Variants in ACER3 observed in about 807,000 individuals in gnomAD.
ACER3 encodes the protein alkCDase 3.
Under a neutral mutation model 48.9 loss-of-function variants are expected in ACER3, and 16 were observed. The ratio of observed to expected loss-of-function variants is 0.33; its 90% CI spans 0.22 to 0.50. The LOEUF (loss-of-function observed/expected upper bound fraction) is 0.50. ACER3 is among the 20% of genes least tolerant of loss of function. The pLI is 0.98. For missense variants in ACER3, 227 were observed against 326.0 expected, an observed-to-expected ratio of 0.70 and a Z score of 2.34; for synonymous variants, 109 against 107.8, an observed-to-expected ratio of 1.01 and a Z score of -0.07.
At chr11:77,010,906 A>G (rs1555022042) in intron 7 of ACER3, among the ~76,000 whole-genome samples, 2 of 152,244 alleles carry the variant, frequency 1.3e-5, no homozygotes, top group Non-Finnish European at 2.9e-5. Flanking sequence ...AGAGAAAAAT[A>G]TGTTTTCATA....
At chr11:76,950,379 A>T (rs1482203300) in intron 2 of ACER3, among the ~76,000 whole-genome samples, 2 of 26,426 alleles carry the variant, frequency 7.6e-5, no homozygotes, top group Admixed American at 2.8e-4. Context: ...ATATATATAT[A>T]TATATATATA....
intron 2 of ACER3, among the ~76,000 whole-genome samples, chr11:76,927,312 G>A (rs1254339639): frequency 3.3e-5 from 5 of 152,116 alleles, no homozygotes; most frequent in African/African-American, 1.2e-4. Flanking sequence ...ATAAGTACTG[G>A]ATGGATGGGT....
In ACER3 at chr11:76,908,278, G is replaced by C. The variant is rs146079302; in HGVS notation, c.104-18279G>C. Among the ~76,000 whole-genome samples, 24 of 152,244 alleles carry C rather than the reference G, an allele frequency of 1.6e-4. No individual in the cohort carries two copies. In the East Asian group the frequency reaches 3.7e-3, roughly 23 times the overall value. ...TTTAGAAAATATGATTGTATATTTA[G>C]AAATAGTATGATTTTATATTTAGAA... On this transcript the variant is annotated intron_variant, in intron 1 of 10. Transcript: ENST00000532485.
chr11:76,945,337 T>G (rs894419355), intron 2 of ACER3, among the ~76,000 whole-genome samples: 5 of 152,198 alleles, frequency 3.3e-5, no homozygotes, highest in African/African-American at 1.2e-4. Flanking sequence ...ATTCACTTGT[T>G]CCAATTTTTT....
chr11:76,961,795 A>G lies in ACER3; in HGVS notation c.267+2764A>G, dbSNP rs1266349339. On this transcript the variant is annotated intron_variant, in intron 3 of 10. Coordinates refer to ENST00000532485, the MANE Select transcript of ACER3 (RefSeq NM_018367.7). ...TACTAGATAATAAATGATGTATTAA[A>G]TGAAATAATACATGAGTATAAATAA... Among the ~76,000 whole-genome samples, 5 of 144,164 alleles carry G rather than the reference A, an allele frequency of 3.5e-5. 1 individual carries two copies. The highest frequency in any genetic ancestry group is 1.4e-4 in the African/African-American group (5 of 34,976). The allele number at this position is 144,164 out of a possible 152,430, so 94.6% of individuals were successfully genotyped here. A position where few individuals can be genotyped will look rare whatever the true frequency, so the allele number is the denominator to read the frequency against.
At chr11:76,930,339 A>G (rs1050147652) in intron 2 of ACER3, among the ~76,000 whole-genome samples, 4 of 152,228 alleles carry the variant, frequency 2.6e-5, no homozygotes, top group South Asian at 4.1e-4. Context: ...GATTGCATCT[A>G]TTTGATTCTT....
At chr11:76,925,667 A>G (rs1040922694) in intron 1 of ACER3, among the ~76,000 whole-genome samples, 1 of 152,032 alleles carries the variant, frequency 6.6e-6, no homozygotes, top group Non-Finnish European at 1.5e-5. Flanking sequence ...CTCTCATGTC[A>G]TCCTTTCTCA....
chr11:76,924,558 C>T (rs1431864508), intron 1 of ACER3, among the ~76,000 whole-genome samples: 3 of 151,812 alleles, frequency 2.0e-5, no homozygotes, highest in African/African-American at 4.8e-5. Context: ...AATAACTTGC[C>T]TTACAGTCCT....
At chr11:77,002,676 C>G (rs1320006683) in intron 7 of ACER3, among the ~76,000 whole-genome samples, 5 of 152,166 alleles carry the variant, frequency 3.3e-5, no homozygotes, top group Non-Finnish European at 5.9e-5. Context: ...TCAGTGTTAA[C>G]TCTTCTTTAA....
intron 1 of ACER3, among the ~76,000 whole-genome samples, chr11:76,877,315 A>G (rs1445953957): frequency 6.6e-6 from 1 of 152,168 alleles, no homozygotes; most frequent in Non-Finnish European, 1.5e-5. Context: ...AACAGCAAGT[A>G]GAAGGACTGG....
intron 1 of ACER3, among the ~76,000 whole-genome samples, chr11:76,881,470 T>C (rs1386481500): frequency 6.6e-6 from 1 of 152,154 alleles, no homozygotes; most frequent in African/African-American, 2.4e-5. Flanking sequence ...ATTGCCTTTT[T>C]AGCCATTCTT....
intron 2 of ACER3, among the ~76,000 whole-genome samples, chr11:76,938,820 A>G (rs933201098): frequency 1.6e-4 from 25 of 151,690 alleles, no homozygotes; most frequent in African/African-American, 6.0e-4. Flanking sequence ...GTAGCAATGA[A>G]CATACCTATT....
intron 2 of ACER3, among the ~76,000 whole-genome samples, chr11:76,950,643 T>G (rs996745733): frequency 6.6e-6 from 1 of 151,444 alleles, no homozygotes; most frequent in Admixed American, 6.6e-5. Context: ...TTACATTTTT[T>G]GTAGAGACAT....
At chr11:76,974,823 A>T (rs1176546813) in intron 3 of ACER3, among the ~76,000 whole-genome samples, 1 of 152,226 alleles carries the variant, frequency 6.6e-6, no homozygotes, top group Non-Finnish European at 1.5e-5. Context: ...GCTTAAAAAA[A>T]AACTCACCTA....
At chr11:76,903,886 G>A (rs577047336) in intron 1 of ACER3, among the ~76,000 whole-genome samples, 1 of 152,082 alleles carries the variant, frequency 6.6e-6, no homozygotes, top group Non-Finnish European at 1.5e-5. Context: ...GGTCTGATAG[G>A]AGACATTTAC....
intron 1 of ACER3, among the ~76,000 whole-genome samples, chr11:76,863,687 A>T (rs982634532): frequency 2.6e-5 from 4 of 152,222 alleles, no homozygotes; most frequent in African/African-American, 9.6e-5. Context: ...TAATGTAATA[A>T]TAGCTATTAT....
At chr11:76,906,602 A>C (rs2048954) in intron 1 of ACER3, among the ~76,000 whole-genome samples, 60,873 of 152,120 alleles carry the variant, frequency 0.4, 14,893 homozygotes, top group Non-Finnish European at 0.56. Context: ...GGCCAGCCTC[A>C]CATCAGTTAA....
In ACER3 at chr11:77,023,351, G is replaced by A. The variant is rs1949500365; in HGVS notation, c.*3024G>A. 1 of 390,004 alleles carries A rather than the reference G, an allele frequency of 2.6e-6. No homozygotes were observed. Among genetic ancestry groups the A allele is most frequent in the Admixed American group, 4.5e-5 (1 of 22,434 alleles). 24.2% of individuals were successfully genotyped at this position (390,004 alleles called of 1,614,324 possible). ...AGAGGTGTGGTTCAAAGAAAATTAA[G>A]AGACAAAACCTTCAGGTACATAATG... On this transcript the variant is annotated 3_prime_UTR_variant, in exon 11 of 11. Transcript: ENST00000532485.
chr11:76,877,919 C>A (rs1169911939), intron 1 of ACER3, among the ~76,000 whole-genome samples: 10 of 122,794 alleles, frequency 8.1e-5, no homozygotes, highest in Non-Finnish European at 1.5e-4. Context: ...GTACATTCTT[C>A]CACAGCTTGC....
Sources: gnomAD v4.1 joint callset for allele counts (sites outside exome capture counted in the v4.1 genomes callset) on GRCh38, gnomAD v4.1.1 for gene constraint, MANE v1.5 for transcripts, NCBI Gene and HGNC (gene_info 2026-07-23, HGNC 2026-07-21) for gene names.